Variants in RAVER2 observed in about 807,000 individuals in gnomAD.
RAVER2 encodes ribonucleoprotein, PTB binding 2, also known as ribonucleoprotein PTB-binding 2.
In RAVER2, 46 loss-of-function variants were observed where a neutral mutation model predicts 78.1. The ratio of observed to expected loss-of-function variants is 0.59; its 90% CI spans 0.46 to 0.75. RAVER2 has a LOEUF of 0.75. RAVER2 is among the 30% of genes least tolerant of loss of function. RAVER2 has a pLI of 0.00. For synonymous variants in RAVER2, 311 were observed against 313.3 expected, an observed-to-expected ratio of 0.99 and a Z score of 0.08; for missense variants, 793 against 837.5, an observed-to-expected ratio of 0.95 and a Z score of 0.66.
intron 4 of RAVER2, among the ~76,000 whole-genome samples, chr1:64,783,463 T>C (rs370158877): frequency 2.6e-5 from 4 of 152,238 alleles, no homozygotes; most frequent in East Asian, 3.8e-4. Context: ...GGTTTTGATT[T>C]GCATTTCTCT....
intron 3 of RAVER2, among the ~76,000 whole-genome samples, chr1:64,778,502 A>G (rs1031279707): frequency 6.6e-6 from 1 of 152,178 alleles, no homozygotes; most frequent in African/African-American, 2.4e-5. Flanking sequence ...CGGACAAGTA[A>G]GCAAATAATT....
chr1:64,773,345 C>A (rs1009735459), intron 2 of RAVER2, among the ~76,000 whole-genome samples: 2 of 151,998 alleles, frequency 1.3e-5, no homozygotes, highest in African/African-American at 4.8e-5. Context: ...CCGCTACACC[C>A]CCCGACAGGC....
At chr1:64,783,063 T>TC (rs1275820874) in intron 4 of RAVER2, among the ~76,000 whole-genome samples, 1 of 152,198 alleles carries the variant, frequency 6.6e-6, no homozygotes, top group Non-Finnish European at 1.5e-5. Context: ...CATGAACTCA[T>TC]CCTTTTTTAT....
At chr1:64,752,877 G>A (rs1256129801) in intron 1 of RAVER2, among the ~76,000 whole-genome samples, 1 of 152,156 alleles carries the variant, frequency 6.6e-6, no homozygotes, top group East Asian at 1.9e-4. Flanking sequence ...ATATGGCTCT[G>A]GCTGCAGCTG....
At chr1:64,787,106 T>C (rs2100846228) in intron 4 of RAVER2, among the ~76,000 whole-genome samples, 1 of 152,364 alleles carries the variant, frequency 6.6e-6, no homozygotes. Context: ...TTGTCCTTCA[T>C]GTTATGAGTA....
At chr1:64,832,609 G>GAAGT (rs1654184028) in exon 12 of RAVER2, 2 of 152,074 alleles carry the variant, frequency 1.3e-5, no homozygotes, top group South Asian at 4.2e-4. Context: ...TTTTAATTAT[G>GAAGT]AAGTCTAGAA....
At chr1:64,781,707 C>T in intron 4 of RAVER2, 136 bp downstream of exon 4, 1 of 902,424 alleles carries the variant, frequency 1.1e-6, no homozygotes, top group Non-Finnish European at 1.6e-6. Context: ...AAGACTTTTC[C>T]TTTTTTTTAA....
intron 5 of RAVER2, among the ~76,000 whole-genome samples, chr1:64,791,800 T>C (rs963565284): frequency 6.6e-6 from 1 of 152,178 alleles, no homozygotes; most frequent in Non-Finnish European, 1.5e-5. Context: ...TATAAGTAAT[T>C]TTTAGCCACT....
chr1:64,812,816 T>C (rs997012946), exon 10 of RAVER2: 1 of 1,612,090 alleles, frequency 6.2e-7, no homozygotes, highest in South Asian at 1.1e-5. Flanking sequence ...ATACTTGAAT[T>C]TGGCAAGTGT....
At chr1:64,804,048 C>T (rs750712787) in intron 6 of RAVER2, among the ~76,000 whole-genome samples, 1 of 152,180 alleles carries the variant, frequency 6.6e-6, no homozygotes, top group Non-Finnish European at 1.5e-5. Flanking sequence ...ACTACAACAG[C>T]CTGGTTTTGG....
At chr1:64,762,391 G>A (rs1557584605) in intron 1 of RAVER2, among the ~76,000 whole-genome samples, 2 of 143,796 alleles carry the variant, frequency 1.4e-5, no homozygotes, top group African/African-American at 5.1e-5. Context: ...ATCCTAGTAG[G>A]TTTTTTTTTT....
intron 1 of RAVER2, among the ~76,000 whole-genome samples, chr1:64,753,523 C>CT (rs59448781): frequency 0.014 from 1,442 of 100,868 alleles, 8 homozygotes; most frequent in Middle Eastern, 0.03. Flanking sequence ...GTATAGAATT[C>CT]TTTTTTTTTT....
At chr1:64,775,253 G>A (rs1652429737) in intron 2 of RAVER2, among the ~76,000 whole-genome samples, 1 of 152,178 alleles carries the variant, frequency 6.6e-6, no homozygotes, top group Non-Finnish European at 1.5e-5. Context: ...GATAGATTGG[G>A]GAGTATAATG....
At chr1:64,821,595 T>G (rs1381559204) in intron 11 of RAVER2, among the ~76,000 whole-genome samples, 1 of 152,182 alleles carries the variant, frequency 6.6e-6, no homozygotes, top group African/African-American at 2.4e-5. Context: ...TGGAACAGAA[T>G]AGAGAGCCCA....
At chr1:64,809,501 T>C (rs1428242043) in intron 9 of RAVER2, among the ~76,000 whole-genome samples, 3 of 151,324 alleles carry the variant, frequency 2.0e-5, no homozygotes, top group Non-Finnish European at 4.4e-5. Context: ...AATAAATAAA[T>C]AAATAAATAA....
intron 11 of RAVER2, among the ~76,000 whole-genome samples, chr1:64,823,628 C>T (rs530173047): frequency 3.9e-5 from 6 of 152,206 alleles, no homozygotes; most frequent in Non-Finnish European, 8.8e-5. Context: ...TATTAAACAC[C>T]TAAATCTAAC....
At chr1:64,768,362 T>C (rs146563153) in intron 1 of RAVER2, among the ~76,000 whole-genome samples, 29 of 152,102 alleles carry the variant, frequency 1.9e-4, no homozygotes, top group African/African-American at 6.5e-4. Flanking sequence ...TTTAGTGATA[T>C]GTTTGCCTCC....
At chr1:64,797,288 T>C (rs2100863175) in intron 5 of RAVER2, among the ~76,000 whole-genome samples, 1 of 152,256 alleles carries the variant, frequency 6.6e-6, no homozygotes, top group South Asian at 2.1e-4. Context: ...ATTCTATCAG[T>C]TATACTGAGG....
intron 4 of RAVER2, among the ~76,000 whole-genome samples, chr1:64,786,557 G>A (rs942732395): frequency 8.5e-5 from 13 of 152,162 alleles, no homozygotes; most frequent in South Asian, 2.1e-4. Context: ...TCGGGTGGCC[G>A]AGGCAGGTGG....
Sources: gnomAD v4.1 joint callset for allele counts (sites outside exome capture counted in the v4.1 genomes callset) on GRCh38, gnomAD v4.1.1 for gene constraint, MANE v1.5 for transcripts, NCBI Gene and HGNC (gene_info 2026-07-23, HGNC 2026-07-21) for gene names.